Variants in DNAH12 observed in about 807,000 individuals in gnomAD.
The protein encoded by DNAH12 is dynein axonemal heavy chain 12.
DNAH12 carries 285 observed loss-of-function variants against 371.5 expected under a neutral mutation model. The ratio of observed to expected loss-of-function variants is 0.77; its 90% CI spans 0.70 to 0.85. The LOEUF (loss-of-function observed/expected upper bound fraction) is 0.85, where lower values mean the gene tolerates loss of function less well. DNAH12 is among the 40% of genes least tolerant of loss of function. The pLI, the probability that DNAH12 is intolerant of heterozygous loss-of-function variation, is 0.00. For synonymous variants in DNAH12, 1,200 were observed against 1,213.0 expected, an observed-to-expected ratio of 0.99 and a Z score of 0.22; for missense variants, 3,611 against 3,689.4, an observed-to-expected ratio of 0.98 and a Z score of 0.55.
At chr3:57,421,052 C>CTG (rs2064564288) in intron 36 of DNAH12, among the ~76,000 whole-genome samples, 1 of 150,216 alleles carries the variant, frequency 6.7e-6, no homozygotes, top group African/African-American at 2.4e-5. Context: ...TCTTAAAATT[C>CTG]TGTGTTAGCA....
chr3:57,513,069 C>T (rs571865848), intron 4 of DNAH12, among the ~76,000 whole-genome samples: 13 of 150,434 alleles, frequency 8.6e-5, no homozygotes, highest in Admixed American at 1.3e-4. Flanking sequence ...ATCCAGGAAG[C>T]GGAGATTGCA....
chr3:57,415,045 C>CGGA (rs2064321511), intron 38 of DNAH12, among the ~76,000 whole-genome samples: 1 of 152,122 alleles, frequency 6.6e-6, no homozygotes, highest in Admixed American at 6.5e-5. Context: ...CCCTAATGAC[C>CGGA]ATCCAGGAGG....
At chr3:57,399,139 G>C (rs1179260286) in intron 43 of DNAH12, among the ~76,000 whole-genome samples, 2 of 152,048 alleles carry the variant, frequency 1.3e-5, no homozygotes, top group African/African-American at 4.8e-5. Context: ...TTATGTAGTA[G>C]TAATGGTTAA....
At chr3:57,548,309 T>C (rs1440249715), upstream of DNAH12, among the ~76,000 whole-genome samples, 1 of 152,194 alleles carries the variant, frequency 6.6e-6, no homozygotes, top group Admixed American at 6.5e-5. Flanking sequence ...CAGGGGCCAT[T>C]CTGGGATAAC....
At chr3:57,511,372 A>G (rs1311956473) in intron 4 of DNAH12, among the ~76,000 whole-genome samples, 1 of 152,188 alleles carries the variant, frequency 6.6e-6, no homozygotes, top group African/African-American at 2.4e-5. Context: ...TGCTCTCTTG[A>G]GATTATATTC....
rs562720556 is a variant in DNAH12, at chr3:57,336,926, T to G, written c.9675-1986A>C. On this transcript the variant is annotated intron_variant, in intron 60 of 73. Coordinates refer to ENST00000495027, the MANE Select transcript of DNAH12 (RefSeq NM_001366028.2). Reference sequence around the variant, plus strand: ...TTATTATCAATAATAACCTTGCATGTAAACAAATTAAATCCCCCAATTAAA... The same window carrying G: ...TTATTATCAATAATAACCTTGCATGGAAACAAATTAAATCCCCCAATTAAA... Among the ~76,000 whole-genome samples, 7 of 152,296 alleles carry G rather than the reference T, an allele frequency of 4.6e-5. No homozygotes were observed. In the East Asian group the frequency reaches 1.4e-3, roughly 29 times the overall value.
In DNAH12 at chr3:57,520,059, GGCTGT is replaced by G; in HGVS notation, c.279+3519_279+3523del. The stretch of plus-strand genomic sequence containing the variant: ...CGACGTTGGGTTGGGGAAAGCCGGA[GGCTGT>G]GGCGGCTCTGTGGCTACAGCGTTAC... On this transcript the variant is annotated intron_variant, in intron 4 of 73. Transcript: ENST00000495027. 7.3e-6 allele frequency: 4 copies of G among 548,404 alleles called. 1 individual carries two copies. The South Asian group carries it at 8.1e-5, about 11-fold the overall frequency. 34.0% of individuals were successfully genotyped at this position (548,404 alleles called of 1,614,324 possible).
At chr3:57,416,843 G>C (rs938698174) in intron 37 of DNAH12, among the ~76,000 whole-genome samples, 11 of 152,146 alleles carry the variant, frequency 7.2e-5, no homozygotes, top group African/African-American at 2.4e-4. Context: ...AAGGGGAAAA[G>C]TAATCATATG....
At chr3:57,324,161 T>A (rs2061876750) in intron 62 of DNAH12, among the ~76,000 whole-genome samples, 1 of 152,218 alleles carries the variant, frequency 6.6e-6, no homozygotes, top group Admixed American at 6.5e-5. Context: ...TGAAAGAACC[T>A]GAGTTTCTGG....
At chr3:57,390,408 CAA>C (rs878912244) in intron 45 of DNAH12, among the ~76,000 whole-genome samples, 13 of 6,072 alleles carry the variant, frequency 2.1e-3, no homozygotes, top group Non-Finnish European at 5.3e-3. Flanking sequence ...GATCCTGTCT[CAA>C]AAAAAAAAAA....
chr3:57,300,586 C>T (rs2061325163), intron 70 of DNAH12, among the ~76,000 whole-genome samples: 1 of 151,980 alleles, frequency 6.6e-6, no homozygotes, highest in Non-Finnish European at 1.5e-5. Flanking sequence ...AGCATAGGCT[C>T]ACTAGTCATT....
At chr3:57,490,644 C>T (rs1379595993) in intron 11 of DNAH12, among the ~76,000 whole-genome samples, 1 of 151,982 alleles carries the variant, frequency 6.6e-6, no homozygotes, top group African/African-American at 2.4e-5. Context: ...GAGAACTTTC[C>T]TTCATGTTAC....
At position 57,334,633 on chromosome 3, in the gene DNAH12, T is replaced by C. The variant is rs1164043527; in HGVS notation, c.9834-24A>G. On this transcript the variant is annotated intron_variant, in intron 61 of 73. Coordinates refer to ENST00000495027, the MANE Select transcript of DNAH12 (RefSeq NM_001366028.2). ...GCCTAATAGAAAAAAGCTTAAGAATTATTCTTTTTATTGGGAAAAACTTAA... is the reference window on the plus strand; with the variant it reads ...GCCTAATAGAAAAAAGCTTAAGAATCATTCTTTTTATTGGGAAAAACTTAA... 5.2e-6 allele frequency: 8 copies of C among 1,524,272 alleles called. No individual in the cohort carries two copies. The South Asian group carries it at 1.0e-4, about 19-fold the overall frequency. The allele number at this position is 1,524,272 out of a possible 1,614,324, so 94.4% of individuals were successfully genotyped here. A position where few individuals can be genotyped will look rare whatever the true frequency, so the allele number is the denominator to read the frequency against.
chr3:57,501,079 C>CA (rs1290450397), intron 11 of DNAH12, among the ~76,000 whole-genome samples: 1 of 152,166 alleles, frequency 6.6e-6, no homozygotes, highest in Non-Finnish European at 1.5e-5. Flanking sequence ...CCATTCCCAC[C>CA]CTTTCATTTA....
intron 2 of DNAH12, among the ~76,000 whole-genome samples, chr3:57,526,715 G>A (rs950491367): frequency 6.6e-6 from 1 of 151,274 alleles, no homozygotes; most frequent in Non-Finnish European, 1.5e-5. Flanking sequence ...TAGTAGAGAC[G>A]GGTTTCACCC....
intron 68 of DNAH12, 46 bp from the exon 69 acceptor site, chr3:57,309,300 T>C: frequency 1.4e-6 from 2 of 1,418,106 alleles, no homozygotes; most frequent in East Asian, 2.5e-5. Flanking sequence ...TCAGAATGGA[T>C]AATTAGCTTA....
At chr3:57,302,556 TATA>T (rs1559535374) in intron 69 of DNAH12, among the ~76,000 whole-genome samples, 12 of 99,344 alleles carry the variant, frequency 1.2e-4, no homozygotes, top group African/African-American at 4.2e-4. Flanking sequence ...TATATATATA[TATA>T]TATATGTATT....
intron 31 of DNAH12, 61 bp from the exon 32 acceptor site, chr3:57,433,568 C>G: frequency 1.3e-6 from 2 of 1,537,044 alleles, no homozygotes; most frequent in Non-Finnish European, 8.8e-7. Flanking sequence ...AGGAGTAAAA[C>G]TATGAAAATA....
At chr3:57,307,027 A>G (rs1160688447) in intron 69 of DNAH12, among the ~76,000 whole-genome samples, 1 of 152,036 alleles carries the variant, frequency 6.6e-6, no homozygotes, top group Non-Finnish European at 1.5e-5. Context: ...TCAGCAAACT[A>G]CCTGGGCTGT....
Sources: gnomAD v4.1 joint callset for allele counts (sites outside exome capture counted in the v4.1 genomes callset) on GRCh38, gnomAD v4.1.1 for gene constraint, MANE v1.5 for transcripts, NCBI Gene and HGNC (gene_info 2026-07-23, HGNC 2026-07-21) for gene names.